The following ANO10 variants were observed in gnomAD, a reference collection of about 807,000 sequenced individuals.
ANO10 encodes the protein anoctamin 10, also known as anoctamin-10.
ANO10 carries 77 observed loss-of-function variants against 74.7 expected under a neutral mutation model. The ratio of observed to expected loss-of-function variants is 1.03; its 90% CI spans 0.86 to 1.25. ANO10 has a LOEUF of 1.25. Among genes scored for constraint, ANO10 ranks in the 50% most tolerant of loss-of-function variants. ANO10 has a pLI of 0.00. For missense variants in ANO10, 721 were observed against 778.1 expected, an observed-to-expected ratio of 0.93 and a Z score of 0.87; for synonymous variants, 279 against 284.9, an observed-to-expected ratio of 0.98 and a Z score of 0.21.
intron 12 of ANO10, among the ~76,000 whole-genome samples, chr3:43,403,527 A>C (rs866959864): frequency 1.5e-4 from 23 of 152,212 alleles, no homozygotes; most frequent in African/African-American, 4.6e-4. Flanking sequence ...TATGGGAAAG[A>C]GAAAGGCAAA....
intron 12 of ANO10, among the ~76,000 whole-genome samples, chr3:43,382,207 C>A (rs2091979191): frequency 6.6e-6 from 1 of 152,152 alleles, no homozygotes; most frequent in Non-Finnish European, 1.5e-5. Flanking sequence ...CAAACCCAAA[C>A]CCAACAGAAG....
At chr3:43,479,171 T>C (rs530932337) in intron 11 of ANO10, among the ~76,000 whole-genome samples, 3 of 152,202 alleles carry the variant, frequency 2.0e-5, no homozygotes, top group Non-Finnish European at 4.4e-5. Flanking sequence ...CTTTTCCTTT[T>C]CACTCGTGCT....
chr3:43,564,587 T>C lies in ANO10; in HGVS notation c.1293+1066A>G, dbSNP rs556058164. On this transcript the variant is annotated intron_variant, in intron 8 of 12. Transcript: ENST00000292246. ...ATGTTTGAGCATTTTCCCGTATCAT[T>C]AAAAATTCTTTTTTACTTGGCCTGT... is the stretch of plus-strand genomic sequence containing the variant. Among the ~76,000 whole-genome samples the C allele has an allele frequency of 4.6e-5, 7 of 152,304 alleles. No individual in the cohort carries two copies. In the South Asian group the frequency reaches 1.5e-3, roughly 32 times the overall value.
chr3:43,443,217 GTGACTTTCCAAGAT>G (rs1478517957), intron 11 of ANO10, among the ~76,000 whole-genome samples: 2 of 152,336 alleles, frequency 1.3e-5, no homozygotes, highest in East Asian at 3.9e-4. Context: ...GCCTGCATGG[GTGACTTTCCAAGAT>G]CAGTCGAGTG....
At chr3:43,529,763 AG>A (rs2078373720) in intron 11 of ANO10, among the ~76,000 whole-genome samples, 1 of 152,176 alleles carries the variant, frequency 6.6e-6, no homozygotes, top group African/African-American at 2.4e-5. Context: ...TAGAAATCTA[AG>A]TAAAAACAAA....
chr3:43,410,662 T>C (rs1284422627), intron 12 of ANO10, among the ~76,000 whole-genome samples: 1 of 152,150 alleles, frequency 6.6e-6, no homozygotes, highest in Non-Finnish European at 1.5e-5. Context: ...TTAAAAACCA[T>C]GAGAACACAC....
intron 1 of ANO10, chr3:43,691,246 G>C: frequency 2.3e-6 from 1 of 431,254 alleles, no homozygotes; most frequent in Non-Finnish European, 3.9e-6. Flanking sequence ...TCAGCGTCGG[G>C]GCCCCGAGGT....
At chr3:43,449,515 C>CTTTTTTTTTTTTTTTTTTTTT in intron 11 of ANO10, among the ~76,000 whole-genome samples, 1 of 107,124 alleles carries the variant, frequency 9.3e-6, no homozygotes, top group Non-Finnish European at 1.8e-5. Flanking sequence ...TATCTAGATT[C>CTTTTTTTTTTTTTTTTTTTTT]TTTTTTTTTT....
intron 1 of ANO10, among the ~76,000 whole-genome samples, chr3:43,610,997 A>T (rs939743879): frequency 1.3e-5 from 2 of 152,196 alleles, no homozygotes; most frequent in African/African-American, 2.4e-5. Context: ...CTAGTTCTCT[A>T]CCCAATCCTT....
chr3:43,555,547 G>T, intron 9 of ANO10, 78 bp from the exon 10 acceptor site: 1 of 1,427,018 alleles, frequency 7.0e-7, no homozygotes, highest in Non-Finnish European at 9.7e-7. Flanking sequence ...TCAAAGCTGT[G>T]GCCTCTAACT....
chr3:43,681,796 C>T (rs190471846), intron 1 of ANO10, among the ~76,000 whole-genome samples: 2,077 of 152,256 alleles, frequency 0.014, 38 homozygotes, highest in African/African-American at 0.047. Context: ...CGCTCAACTA[C>T]GTGGAAACTG....
At chr3:43,453,485 C>T (rs1345295620) in intron 11 of ANO10, among the ~76,000 whole-genome samples, 2 of 152,134 alleles carry the variant, frequency 1.3e-5, no homozygotes, top group Non-Finnish European at 2.9e-5. Flanking sequence ...GGCCTATCTT[C>T]TTTTTCTTTT....
intron 1 of ANO10, among the ~76,000 whole-genome samples, chr3:43,613,513 T>C (rs2082935692): frequency 6.6e-6 from 1 of 152,230 alleles, no homozygotes; most frequent in African/African-American, 2.4e-5. Flanking sequence ...ACAAATGCTA[T>C]AGTTTACATC....
At chr3:43,647,599 C>T (rs2083741039) in intron 1 of ANO10, among the ~76,000 whole-genome samples, 1 of 152,172 alleles carries the variant, frequency 6.6e-6, no homozygotes, top group Non-Finnish European at 1.5e-5. Context: ...TAATGTTTAA[C>T]CAGCTTTCTG....
intron 11 of ANO10, among the ~76,000 whole-genome samples, chr3:43,441,011 C>G (rs1018841627): frequency 9.2e-5 from 14 of 151,880 alleles, no homozygotes; most frequent in African/African-American, 3.4e-4. Flanking sequence ...AACAAAACCA[C>G]AACATACCAA....
At position 43,419,968 on chromosome 3, in the gene ANO10, T is replaced by G. The variant is rs1456747633; in HGVS notation, c.1914+12643A>C. Among the ~76,000 whole-genome samples the G allele has an allele frequency of 2.0e-5, 3 of 152,234 alleles. No homozygotes were observed. The East Asian group carries it at 5.8e-4, about 29-fold the overall frequency. On this transcript the variant is annotated intron_variant, in intron 12 of 12. Coordinates refer to ENST00000292246, the MANE Select transcript of ANO10 (RefSeq NM_018075.5). Reference sequence around the variant, plus strand: ...AGTTCTTAAATCCAAACATTTCTTGTTTTCTACATTCTATTCTTAAGAGAA... The same window carrying G: ...AGTTCTTAAATCCAAACATTTCTTGGTTTCTACATTCTATTCTTAAGAGAA...
chr3:43,500,415 A>C (rs1361679978), intron 11 of ANO10, among the ~76,000 whole-genome samples: 1 of 152,166 alleles, frequency 6.6e-6, no homozygotes, highest in African/African-American at 2.4e-5. Flanking sequence ...CCCCACCCAG[A>C]ATTCATTTTC....
chr3:43,500,361 G>T (rs550747559), intron 11 of ANO10, among the ~76,000 whole-genome samples: 2 of 152,266 alleles, frequency 1.3e-5, no homozygotes, highest in South Asian at 4.1e-4. Context: ...CCATGCTGGT[G>T]CTTTTTCTGA....
intron 11 of ANO10, among the ~76,000 whole-genome samples, chr3:43,477,505 T>A (rs1396480216): frequency 6.6e-6 from 1 of 152,230 alleles, no homozygotes; most frequent in Non-Finnish European, 1.5e-5. Context: ...ACGTGTTATA[T>A]TTTAAGTGCT....
Sources: gnomAD v4.1 joint callset for allele counts (sites outside exome capture counted in the v4.1 genomes callset) on GRCh38, gnomAD v4.1.1 for gene constraint, MANE v1.5 for transcripts, NCBI Gene and HGNC (gene_info 2026-07-23, HGNC 2026-07-21) for gene names.